The following EPB41L3 variants were observed in gnomAD, a reference collection of about 807,000 sequenced individuals.
EPB41L3 encodes erythrocyte membrane protein band 4.1 like 3.
A neutral mutation model predicts 127.1 loss-of-function variants in EPB41L3; 57 were observed. The observed-to-expected ratio is 0.45, with a 90% CI of 0.36 to 0.56. The LOEUF is 0.56. Ranked by LOEUF, EPB41L3 falls within the 20% of genes least tolerant of loss-of-function variation. EPB41L3 has a pLI of 0.00. For synonymous variants in EPB41L3, 572 were observed against 549.5 expected (o/e 1.04, Z -0.57); for missense variants, 1,273 against 1,372.2 (o/e 0.93, Z 1.14).
intron 18 of EPB41L3, among the ~76,000 whole-genome samples, chr18:5,396,723 C>G (rs778666801): frequency 2.0e-5 from 3 of 152,154 alleles, no homozygotes; most frequent in Non-Finnish European, 4.4e-5. Context: ...GAAAAGTGCA[C>G]TGATAAGAAA....
intron 5 of EPB41L3, among the ~76,000 whole-genome samples, chr18:5,441,293 T>C (rs2146155431): frequency 6.6e-6 from 1 of 152,304 alleles, no homozygotes; most frequent in Admixed American, 6.5e-5. Context: ...ATAAAAAGCA[T>C]GGAAACATCC....
intron 1 of EPB41L3, among the ~76,000 whole-genome samples, chr18:5,515,566 CTT>C (rs1283850881): frequency 7.2e-5 from 11 of 152,114 alleles, no homozygotes; most frequent in Non-Finnish European, 1.3e-4. Flanking sequence ...CATAATTCTT[CTT>C]CCCAGGCACC....
intron 13 of EPB41L3, among the ~76,000 whole-genome samples, chr18:5,414,305 A>G (rs1349338250): frequency 6.6e-6 from 1 of 152,232 alleles, no homozygotes; most frequent in Non-Finnish European, 1.5e-5. Context: ...AAAGTTATTT[A>G]TATATCAGTT....
chr18:5,519,242 G>A (rs1471081642), intron 1 of EPB41L3, among the ~76,000 whole-genome samples: 6 of 152,292 alleles, frequency 3.9e-5, no homozygotes, highest in Admixed American at 3.9e-4. Context: ...CCTGTTCATG[G>A]GTACAGAGAA....
intron 3 of EPB41L3, among the ~76,000 whole-genome samples, chr18:5,464,828 T>C (rs1219294351): frequency 6.6e-6 from 1 of 152,186 alleles, no homozygotes; most frequent in African/African-American, 2.4e-5. Context: ...GAATGTCCTC[T>C]GCCAACGTCC....
At chr18:5,406,661 C>T in intron 16 of EPB41L3, 116 bp downstream of exon 16, 1 of 938,170 alleles carries the variant, frequency 1.1e-6, no homozygotes, top group Non-Finnish European at 1.6e-6. Context: ...TCAGGTTAAA[C>T]ATAGGTAGGA....
upstream of EPB41L3, among the ~76,000 whole-genome samples, chr18:5,629,504 T>C (rs1185813737): frequency 6.6e-6 from 1 of 151,884 alleles, no homozygotes; most frequent in African/African-American, 2.4e-5. Context: ...AGAGCCACTG[T>C]CCACTTGAAA....
chr18:5,433,402 T>G, intron 8 of EPB41L3, 67 bp downstream of exon 8: 1 of 1,128,890 alleles, frequency 8.9e-7, no homozygotes, highest in Non-Finnish European at 1.3e-6. Flanking sequence ...ATCACCAGCT[T>G]ACAGTAATAA....
At chr18:5,472,705 G>GA (rs199707641) in intron 3 of EPB41L3, among the ~76,000 whole-genome samples, 1,993 of 152,182 alleles carry the variant, frequency 0.013, 36 homozygotes, top group South Asian at 0.045. Context: ...AAAGGGGTTG[G>GA]AAAAAATTTA....
rs529705355 is a variant in EPB41L3, at chr18:5,457,736, G to T, written c.382-12492C>A. On this transcript the variant is annotated intron_variant, in intron 3 of 22. Transcript: ENST00000341928. ...CCTGCTACCTCACCTCGCTCCCTGT[G>T]AGGCTCTCTCCTGCAAAGAGGAGAC... 1.2e-3 allele frequency among the ~76,000 whole-genome samples: 186 copies of T among 152,116 alleles called. 2 individuals are homozygous for T. The highest frequency in any genetic ancestry group is 4.4e-3 in the African/African-American group (182 of 41,498).
At chr18:5,472,442 T>TA (rs1427882427) in intron 3 of EPB41L3, among the ~76,000 whole-genome samples, 1 of 152,316 alleles carries the variant, frequency 6.6e-6, no homozygotes, top group African/African-American at 2.4e-5. Flanking sequence ...TGGTTTGATG[T>TA]AAGTTCTTCA....
Position 5,616,970 on chromosome 18 carries a change from CTATAA to C in EPB41L3, c.-467-2552_-467-2548del, listed in dbSNP as rs544638812. Among the ~76,000 whole-genome samples the C allele has an allele frequency of 2.1e-3, 325 of 152,240 alleles. 1 individual carries two copies. Among genetic ancestry groups the C allele is most frequent in the Non-Finnish European group, 3.8e-3 (256 of 68,018 alleles). ...CTTGTGTATACGTGCAAGAGTTTAT[CTATAA>C]TATATAATGAAATGCAAAACTCCTG... On this transcript the variant is annotated intron_variant, in intron 1 of 21. Coordinates refer to the EPB41L3 transcript ENST00000545076.
intron 18 of EPB41L3, among the ~76,000 whole-genome samples, 167 bp from the exon 19 acceptor site, chr18:5,396,499 T>C (rs541104882): frequency 6.7e-6 from 1 of 150,362 alleles, no homozygotes; most frequent in South Asian, 2.2e-4. Flanking sequence ...GTCAGTCTCC[T>C]GGACTCTCAT....
chr18:5,517,876 C>G (rs2092814453), intron 1 of EPB41L3, among the ~76,000 whole-genome samples: 1 of 152,098 alleles, frequency 6.6e-6, no homozygotes, highest in African/African-American at 2.4e-5. Flanking sequence ...TTCCTCCTCC[C>G]CCACTGACCA....
intron 8 of EPB41L3, among the ~76,000 whole-genome samples, chr18:5,432,194 C>T (rs1453533816): frequency 6.6e-6 from 1 of 152,228 alleles, no homozygotes; most frequent in Non-Finnish European, 1.5e-5. Context: ...TGCAGCCCAA[C>T]TTCCAGTATC....
intron 1 of EPB41L3, among the ~76,000 whole-genome samples, chr18:5,622,836 A>G (rs757839519): frequency 5.3e-5 from 8 of 151,712 alleles, no homozygotes; most frequent in Non-Finnish European, 1.0e-4. Context: ...AAAGGTGAAT[A>G]TGAGTCTCTG....
chr18:5,466,224 C>A (rs2084955165), intron 3 of EPB41L3: 2 of 152,112 alleles, frequency 1.3e-5, no homozygotes, highest in East Asian at 3.9e-4. Flanking sequence ...ATTTTAATAT[C>A]TCCTTTTAAC....
intron 9 of EPB41L3, 70 bp downstream of exon 9, chr18:5,428,243 A>T: frequency 6.3e-7 from 1 of 1,574,896 alleles, no homozygotes; most frequent in Non-Finnish European, 8.7e-7. Context: ...TCATAAGCAG[A>T]TAATTTAAAT....
intron 3 of EPB41L3, among the ~76,000 whole-genome samples, chr18:5,477,260 G>A (rs768480066): frequency 6.6e-6 from 1 of 152,180 alleles, no homozygotes; most frequent in Non-Finnish European, 1.5e-5. Flanking sequence ...CATGAGGGAC[G>A]AGGAAGAGAA....
Sources: allele counts gnomAD v4.1 joint callset (sites outside exome capture counted in the v4.1 genomes callset), GRCh38; gene constraint gnomAD v4.1.1; transcripts MANE v1.5; gene names NCBI Gene and HGNC (gene_info 2026-07-23, HGNC 2026-07-21).